CPEB3: variants seen among roughly 807,000 people sequenced by gnomAD.
CPEB3 encodes cytoplasmic polyadenylation element binding protein 3.
CPEB3 carries 20 observed loss-of-function variants against 67.2 expected under a neutral mutation model. The ratio of observed to expected loss-of-function variants is 0.30; its 90% confidence interval spans 0.21 to 0.43. CPEB3 has a LOEUF of 0.43. Ranked by LOEUF, CPEB3 falls within the 20% of genes least tolerant of loss-of-function variation. The pLI is 1.00. For missense variants in CPEB3, 746 were observed against 968.6 expected (o/e 0.77, Z 3.05); for synonymous variants, 376 against 393.1 (o/e 0.96, Z 0.51).
intron 9 of CPEB3, among the ~76,000 whole-genome samples, chr10:92,080,778 G>C (rs1843119772): frequency 6.6e-6 from 1 of 151,868 alleles, no homozygotes; most frequent in Non-Finnish European, 1.5e-5. Context: ...TGTGTTTTTA[G>C]TAGAGACGGG....
At chr10:92,245,094 A>G (rs1852003853) in intron 1 of CPEB3, among the ~76,000 whole-genome samples, 1 of 150,350 alleles carries the variant, frequency 6.7e-6, no homozygotes, top group South Asian at 2.1e-4. Context: ...CTTTGTTTCT[A>G]GTTATTTCTT....
At chr10:92,192,444 C>G (rs1360288516) in intron 3 of CPEB3, 33 bp downstream of exon 3, 3 of 1,553,234 alleles carry the variant, frequency 1.9e-6, no homozygotes, top group Non-Finnish European at 2.6e-6. Context: ...CTTAAAACAC[C>G]AAGCAAGAAA....
chr10:92,114,250 TTC>T (rs1304420349), intron 6 of CPEB3, among the ~76,000 whole-genome samples: 1 of 152,244 alleles, frequency 6.6e-6, no homozygotes, highest in Non-Finnish European at 1.5e-5. Flanking sequence ...CTAAAACACC[TTC>T]TGATACTTCA....
At position 92,049,109 on chromosome 10, in the gene CPEB3, A is replaced by G. The variant is rs1171263823; in HGVS notation, c.*3103T>C. ...TTACTATTGAAAAAATACCAGCATGAAGAAAAGGTACATATTTGACAGTAG... is the reference window on the plus strand; with the variant it reads ...TTACTATTGAAAAAATACCAGCATGGAGAAAAGGTACATATTTGACAGTAG... On this transcript the variant is annotated 3_prime_UTR_variant, in exon 10 of 10. Coordinates refer to ENST00000265997, the MANE Select transcript of CPEB3 (RefSeq NM_014912.5). 3.3e-5 allele frequency: 5 copies of G among 152,676 alleles called. No individual in the cohort carries two copies. Among genetic ancestry groups the G allele is most frequent in the Non-Finnish European group, 5.9e-5 (4 of 68,048 alleles). 9.5% of individuals were successfully genotyped at this position (152,676 alleles called of 1,614,324 possible).
At chr10:92,262,495 G>A (rs926364587) in intron 1 of CPEB3, among the ~76,000 whole-genome samples, 15 of 152,136 alleles carry the variant, frequency 9.9e-5, no homozygotes, top group Non-Finnish European at 8.8e-5. Flanking sequence ...CTTGTCCTGG[G>A]TTATAATGTT....
chr10:92,176,084 C>G (rs1436473542), intron 4 of CPEB3, among the ~76,000 whole-genome samples: 1 of 152,096 alleles, frequency 6.6e-6, no homozygotes, highest in Non-Finnish European at 1.5e-5. Flanking sequence ...GAGTGAGATT[C>G]TGTCTCCAAA....
intron 2 of CPEB3, among the ~76,000 whole-genome samples, chr10:92,194,984 C>T (rs1003349489): frequency 6.6e-6 from 1 of 151,482 alleles, no homozygotes; most frequent in Non-Finnish European, 1.5e-5. Flanking sequence ...GTGGAGCTTG[C>T]AGTGAGCCGA....
chr10:92,065,425 T>G (rs1215372794), intron 9 of CPEB3, among the ~76,000 whole-genome samples: 1 of 152,126 alleles, frequency 6.6e-6, no homozygotes, highest in Admixed American at 6.5e-5. Context: ...TTCACCATGT[T>G]GGCCAGGCTG....
At chr10:92,290,524 G>A (rs1168925758) in intron 1 of CPEB3, among the ~76,000 whole-genome samples, 1 of 152,120 alleles carries the variant, frequency 6.6e-6, no homozygotes, top group Non-Finnish European at 1.5e-5. Context: ...GAAAGCCCAG[G>A]CACATTTGAG....
At chr10:92,201,952 G>A (rs531086692) in intron 2 of CPEB3, among the ~76,000 whole-genome samples, 36 of 152,144 alleles carry the variant, frequency 2.4e-4, no homozygotes, top group Non-Finnish European at 4.4e-4. Flanking sequence ...TCCCATTATC[G>A]AGCAGAGGGC....
intron 2 of CPEB3, among the ~76,000 whole-genome samples, chr10:92,218,190 C>T (rs892583802): frequency 1.3e-5 from 2 of 151,878 alleles, no homozygotes; most frequent in African/African-American, 2.4e-5. Flanking sequence ...GGGCAGATCA[C>T]GAGGTCAGGA....
At chr10:92,156,806 A>G (rs1847230598) in intron 4 of CPEB3, among the ~76,000 whole-genome samples, 1 of 152,228 alleles carries the variant, frequency 6.6e-6, no homozygotes, top group Non-Finnish European at 1.5e-5. Flanking sequence ...ATGAAAAGCA[A>G]AAGGACTGTA....
chr10:92,189,598 G>A (rs1025741509), intron 3 of CPEB3, among the ~76,000 whole-genome samples: 4 of 151,708 alleles, frequency 2.6e-5, no homozygotes, highest in African/African-American at 9.7e-5. Flanking sequence ...CAGAAAGACT[G>A]AGTTGAAATT....
At chr10:92,146,979 T>C (rs1846714770) in intron 4 of CPEB3, among the ~76,000 whole-genome samples, 1 of 152,212 alleles carries the variant, frequency 6.6e-6, no homozygotes, top group Non-Finnish European at 1.5e-5. Flanking sequence ...GTCAGGCACA[T>C]GCGCAAATCA....
At chr10:92,072,676 G>A (rs1842793272) in intron 9 of CPEB3, among the ~76,000 whole-genome samples, 1 of 152,178 alleles carries the variant, frequency 6.6e-6, no homozygotes, top group Non-Finnish European at 1.5e-5. Context: ...TTGTTTGTTT[G>A]TTTGTTTTGT....
chr10:92,148,885 A>C (rs1846820186), intron 4 of CPEB3, among the ~76,000 whole-genome samples: 1 of 147,376 alleles, frequency 6.8e-6, no homozygotes, highest in African/African-American at 2.5e-5. Context: ...TGAATTTAAT[A>C]TTTATTCTAA....
chr10:92,165,758 T>C (rs1486337500), intron 4 of CPEB3, among the ~76,000 whole-genome samples: 1 of 152,214 alleles, frequency 6.6e-6, no homozygotes, highest in Non-Finnish European at 1.5e-5. Flanking sequence ...AAGAAACCAC[T>C]TTCTTTGCTT....
intron 9 of CPEB3, among the ~76,000 whole-genome samples, chr10:92,064,795 A>G (rs1842484598): frequency 6.6e-6 from 1 of 152,190 alleles, no homozygotes; most frequent in Non-Finnish European, 1.5e-5. Flanking sequence ...TAGAAACTCC[A>G]CCAACTAGAG....
intron 7 of CPEB3, among the ~76,000 whole-genome samples, chr10:92,110,355 G>C (rs1171717916): frequency 6.6e-6 from 1 of 152,078 alleles, no homozygotes; most frequent in African/African-American, 2.4e-5. Context: ...CCCTACCCCT[G>C]CCAACTTCCC....
Sources: gnomAD v4.1 joint callset for allele counts (sites outside exome capture counted in the v4.1 genomes callset) on GRCh38, gnomAD v4.1.1 for gene constraint, MANE v1.5 for transcripts, NCBI Gene and HGNC (gene_info 2026-07-23, HGNC 2026-07-21) for gene names.